Variants in NALF1 observed in about 807,000 individuals in gnomAD.
NALF1 encodes the protein NALCN channel auxiliary factor 1, also known as family with sequence similarity 155 member A.
A neutral mutation model predicts 48.4 loss-of-function variants in NALF1; 3 were observed. The ratio of observed to expected loss-of-function variants is 0.06; its 90% CI spans 0.03 to 0.16. The LOEUF is 0.16. Ranked by LOEUF, NALF1 falls within the 10% of genes least tolerant of loss-of-function variation. The probability of loss-of-function intolerance (pLI) is 1.00; values close to 1 mark genes in which losing one functional copy is unlikely to be tolerated. For missense variants in NALF1, 526 were observed against 571.5 expected (o/e 0.92, Z 0.81); for synonymous variants, 262 against 245.7 (o/e 1.07, Z -0.62).
intron 1 of NALF1, among the ~76,000 whole-genome samples, chr13:107,552,726 A>T (rs554403767): frequency 6.6e-6 from 1 of 152,276 alleles, no homozygotes; most frequent in South Asian, 2.1e-4. Flanking sequence ...AGGAAAAAGC[A>T]TGAATAATTA....
At chr13:107,305,631 C>T (rs1881921994) in intron 1 of NALF1, among the ~76,000 whole-genome samples, 1 of 152,184 alleles carries the variant, frequency 6.6e-6, no homozygotes, top group Non-Finnish European at 1.5e-5. Flanking sequence ...CACTGCCAAA[C>T]TAACCCACAT....
chr13:107,486,903 C>A (rs542668238), intron 1 of NALF1, among the ~76,000 whole-genome samples: 7 of 152,048 alleles, frequency 4.6e-5, no homozygotes, highest in Non-Finnish European at 7.4e-5. Context: ...ATATTCCATA[C>A]AAAGACTTCA....
intron 1 of NALF1, among the ~76,000 whole-genome samples, chr13:107,499,527 A>G (rs1030243793): frequency 6.6e-6 from 1 of 152,150 alleles, no homozygotes; most frequent in African/African-American, 2.4e-5. Context: ...TCTTTTGAAG[A>G]CACTTTGTCT....
intron 1 of NALF1, among the ~76,000 whole-genome samples, chr13:107,390,880 A>ATAATAC (rs1883615414): frequency 8.6e-6 from 1 of 116,416 alleles, no homozygotes; most frequent in African/African-American, 2.8e-5. Context: ...CAGAAGGTTA[A>ATAATAC]TAATAATAAT....
At chr13:107,642,837 C>A (rs1359584179) in intron 1 of NALF1, among the ~76,000 whole-genome samples, 2 of 152,180 alleles carry the variant, frequency 1.3e-5, no homozygotes, top group African/African-American at 4.8e-5. Flanking sequence ...GTGCTCATGC[C>A]AGAACCCCTT....
intron 1 of NALF1, among the ~76,000 whole-genome samples, chr13:107,524,873 A>G (rs1876377532): frequency 6.6e-6 from 1 of 152,246 alleles, no homozygotes; most frequent in South Asian, 2.1e-4. Context: ...CTAGAGCCAT[A>G]GTTCAGCAGC....
At chr13:107,263,662 C>T (rs207474398) in intron 1 of NALF1, among the ~76,000 whole-genome samples, 12 of 152,250 alleles carry the variant, frequency 7.9e-5, no homozygotes, top group South Asian at 2.1e-4. Flanking sequence ...CCGTGTAAGA[C>T]GTGCCTTTTA....
intron 1 of NALF1, among the ~76,000 whole-genome samples, chr13:107,843,084 A>T (rs1166936617): frequency 6.6e-6 from 1 of 152,246 alleles, no homozygotes; most frequent in Non-Finnish European, 1.5e-5. Context: ...AATGGCCAGC[A>T]GACCATTAAT....
chr13:107,172,222 G>A (rs957277758), intron 2 of NALF1, among the ~76,000 whole-genome samples: 1 of 152,052 alleles, frequency 6.6e-6, no homozygotes, highest in Admixed American at 6.6e-5. Context: ...TCATACCCCT[G>A]GGCTATTAGC....
At chr13:107,440,299 C>T (rs74114528) in intron 1 of NALF1, among the ~76,000 whole-genome samples, 2,979 of 152,182 alleles carry the variant, frequency 0.02, 104 homozygotes, top group African/African-American at 0.069. Flanking sequence ...GTTGGAGTAG[C>T]TGTGGAAGAT....
chr13:107,581,450 T>C (rs1226033046), intron 1 of NALF1, among the ~76,000 whole-genome samples: 1 of 152,174 alleles, frequency 6.6e-6, no homozygotes, highest in Non-Finnish European at 1.5e-5. Flanking sequence ...TTATCTGTTC[T>C]GTCTAGAGGA....
intron 1 of NALF1, among the ~76,000 whole-genome samples, chr13:107,339,830 T>C (rs1335201580): frequency 6.6e-6 from 1 of 152,232 alleles, no homozygotes; most frequent in Non-Finnish European, 1.5e-5. Context: ...TCAGAAGATA[T>C]TGTGTTTCCG....
At chr13:107,781,866 C>T (rs1877897703) in intron 1 of NALF1, among the ~76,000 whole-genome samples, 1 of 152,178 alleles carries the variant, frequency 6.6e-6, no homozygotes, top group Non-Finnish European at 1.5e-5. Context: ...CAAACCCACA[C>T]TGCCTAGCTT....
At chr13:107,854,222 G>T (rs1262382891) in intron 1 of NALF1, among the ~76,000 whole-genome samples, 1 of 152,194 alleles carries the variant, frequency 6.6e-6, no homozygotes, top group Non-Finnish European at 1.5e-5. Context: ...TATATATTTA[G>T]AAACTTTCCG....
rs1381726398 is a variant in NALF1 at position 107,866,444 on chromosome 13, C to G, written c.153G>C (p.Leu51=). ...SLASLLFFTV[L]LSDHLWFCAE... ...CGCAGAACCACAAGTGATCAGAGAG[C>G]AGGACTGTGAAAAACAAGAGAGATG... The change falls in exon 1 of 3, where the codon CTG becomes CTC. Residue 51 remains leucine, a synonymous_variant. Transcript: ENST00000375915. This position sits in a 1 kb window ranked among gnomAD's most constrained non-coding sequence, Gnocchi z 4.4. The G allele has an allele frequency of 6.8e-6, 11 of 1,614,066 alleles. No homozygotes were observed. The highest frequency in any genetic ancestry group is 9.3e-6 in the Non-Finnish European group (11 of 1,180,050).
chr13:107,327,007 A>G (rs930105255), intron 1 of NALF1, among the ~76,000 whole-genome samples: 18 of 152,330 alleles, frequency 1.2e-4, no homozygotes, highest in South Asian at 4.1e-4. Context: ...AGATCCTGTC[A>G]CAAGAATGCC....
At chr13:107,833,813 T>A (rs1005218631) in intron 1 of NALF1, among the ~76,000 whole-genome samples, 2 of 152,190 alleles carry the variant, frequency 1.3e-5, no homozygotes, top group African/African-American at 4.8e-5. Flanking sequence ...TTTTTTCTAA[T>A]AATAGTATTT....
intron 1 of NALF1, among the ~76,000 whole-genome samples, chr13:107,748,199 T>C (rs927604372): frequency 2.0e-5 from 3 of 152,182 alleles, no homozygotes; most frequent in Middle Eastern, 3.2e-3. Flanking sequence ...AGGGAACTCT[T>C]ACCAAGTAAT....
In NALF1 at chr13:107,762,046, T is replaced by C. The variant is rs770333505; in HGVS notation, c.915+103636A>G. 1.5e-4 allele frequency among the ~76,000 whole-genome samples: 23 copies of C among 152,220 alleles called. 1 individual carries two copies. Among genetic ancestry groups the C allele is most frequent in the Admixed American group, 6.5e-5 (1 of 15,288 alleles). ...CATCATCATTATTAAGATCTTTGTG[T>C]ACCCAAGGGCACACAACTTGTAACT... On this transcript the variant is annotated intron_variant, in intron 1 of 2. Coordinates refer to ENST00000375915, the MANE Select transcript of NALF1 (RefSeq NM_001080396.3).
Sources: allele counts gnomAD v4.1 joint callset (sites outside exome capture counted in the v4.1 genomes callset), GRCh38; gene constraint gnomAD v4.1.1; non-coding constraint Gnocchi (gnomAD v3.1); transcripts MANE v1.5; gene names NCBI Gene and HGNC (gene_info 2026-07-23, HGNC 2026-07-21).